The following PDPN variants were observed in gnomAD, a reference collection of about 807,000 sequenced individuals.
PDPN encodes podoplanin.
A neutral mutation model predicts 23.2 loss-of-function variants in PDPN; 12 were observed. The observed-to-expected ratio is 0.52, with a 90% CI of 0.33 to 0.84. The LOEUF (loss-of-function observed/expected upper bound fraction) is 0.84. Among genes scored for constraint, PDPN ranks in the 40% least tolerant of loss-of-function variants. The probability of loss-of-function intolerance (pLI) is 0.02; values close to 1 mark genes in which losing one functional copy is unlikely to be tolerated. For missense variants in PDPN, 199 were observed against 212.2 expected, an observed-to-expected ratio of 0.94 and a Z score of 0.39; for synonymous variants, 77 against 76.7, an observed-to-expected ratio of 1.00 and a Z score of -0.02.
At chr1:13,584,850 C>G (rs556726085) in intron 1 of PDPN, among the ~76,000 whole-genome samples, 3 of 152,308 alleles carry the variant, frequency 2.0e-5, no homozygotes, top group Admixed American at 2.0e-4. Flanking sequence ...TTTTGTATCC[C>G]ATGTTGGGGT....
At chr1:13,601,980 TTTGGGTGGCTCATG>T (rs1640652488) in intron 1 of PDPN, among the ~76,000 whole-genome samples, 2 of 45,248 alleles carry the variant, frequency 4.4e-5, no homozygotes, top group African/African-American at 1.5e-4. Flanking sequence ...GGCTCATGCC[TTTGGGTGGCTCATG>T]CCTTTGGGTG....
In PDPN at chr1:13,610,375, C is replaced by T; in HGVS notation, c.202-12C>T. On this transcript the variant is annotated splice_polypyrimidine_tract_variant and intron_variant, in intron 2 of 5. Transcript: ENST00000621990. ...TTTATTTCCTGTTTTTCCTCATTTA[C>T]ACCTACAATAGGTGGCAACAAGTGT... 4.3e-6 allele frequency: 7 copies of T among 1,610,116 alleles called. No homozygotes were observed. The highest frequency in any genetic ancestry group is 1.7e-4 in the Middle Eastern group (1 of 6,046).
At chr1:13,592,318 T>G (rs1392986072) in intron 1 of PDPN, among the ~76,000 whole-genome samples, 3 of 152,196 alleles carry the variant, frequency 2.0e-5, no homozygotes, top group Non-Finnish European at 4.4e-5. Context: ...AAAATTTTGG[T>G]AAAGTTAAAT....
intron 1 of PDPN, among the ~76,000 whole-genome samples, chr1:13,590,713 G>A (rs1389748414): frequency 6.6e-6 from 1 of 152,134 alleles, no homozygotes; most frequent in Non-Finnish European, 1.5e-5. Flanking sequence ...GGAGACAGAT[G>A]AGTCCGTGCT....
chr1:13,587,893 A>G (rs532452261), intron 1 of PDPN, among the ~76,000 whole-genome samples: 1 of 152,304 alleles, frequency 6.6e-6, no homozygotes, highest in Non-Finnish European at 1.5e-5. Context: ...AGCCAGTCAG[A>G]TGATGGCAAG....
At chr1:13,615,364 C>T (rs1047489135) in intron 5 of PDPN, among the ~76,000 whole-genome samples, 2 of 151,442 alleles carry the variant, frequency 1.3e-5, no homozygotes, top group African/African-American at 4.9e-5. Flanking sequence ...CGGCTCACTG[C>T]AACCTCTGAC....
At chr1:13,584,309 C>T in intron 1 of PDPN, 1 of 1,505,286 alleles carries the variant, frequency 6.6e-7, no homozygotes, top group Non-Finnish European at 8.8e-7. Context: ...CGCGGGTGTG[C>T]CGGGAGGAGC....
chr1:13,601,842 A>G (rs1640648309), intron 1 of PDPN, among the ~76,000 whole-genome samples: 1 of 152,268 alleles, frequency 6.6e-6, no homozygotes, highest in South Asian at 2.1e-4. Flanking sequence ...TAAGGAAAAC[A>G]TAGGTGAATA....
intron 1 of PDPN, among the ~76,000 whole-genome samples, chr1:13,606,767 A>T (rs1235038293): frequency 6.6e-6 from 1 of 152,208 alleles, no homozygotes; most frequent in Non-Finnish European, 1.5e-5. Context: ...GTGTTTAGAA[A>T]TCTTTCCTGT....
chr1:13,592,829 C>A (rs554620755), intron 1 of PDPN, among the ~76,000 whole-genome samples: 3 of 152,264 alleles, frequency 2.0e-5, no homozygotes, highest in South Asian at 4.1e-4. Context: ...GGATTACAGG[C>A]GTGAGCCACC....
intron 3 of PDPN, among the ~76,000 whole-genome samples, chr1:13,611,902 T>C (rs1174490657): frequency 6.6e-6 from 1 of 152,200 alleles, no homozygotes; most frequent in African/African-American, 2.4e-5. Flanking sequence ...TAAATGATCA[T>C]TGGAAAACAT....
chr1:13,594,566 A>C (rs1258919527), intron 1 of PDPN, among the ~76,000 whole-genome samples: 1 of 152,194 alleles, frequency 6.6e-6, no homozygotes, highest in Non-Finnish European at 1.5e-5. Flanking sequence ...TGAGAGTCTG[A>C]ATAGATGGCA....
intron 1 of PDPN, among the ~76,000 whole-genome samples, chr1:13,602,044 TGCCTTTGGGTGGCTC>T (rs1640656823): frequency 7.8e-5 from 2 of 25,660 alleles, no homozygotes; most frequent in Non-Finnish European, 1.3e-4. Context: ...GGGTGGCTCA[TGCCTTTGGGTGGCTC>T]AGCACTTTGG....
chr1:13,602,765 C>T (rs1283285326), intron 1 of PDPN, among the ~76,000 whole-genome samples: 2 of 152,026 alleles, frequency 1.3e-5, no homozygotes, highest in East Asian at 3.9e-4. Flanking sequence ...GACGGGGTCT[C>T]ACCATGTTGG....
intron 1 of PDPN, among the ~76,000 whole-genome samples, chr1:13,604,509 G>A (rs576144382): frequency 6.6e-6 from 1 of 152,266 alleles, no homozygotes; most frequent in East Asian, 1.9e-4. Context: ...TGTGGGCCAA[G>A]GGTAGAAAAG....
intron 1 of PDPN, among the ~76,000 whole-genome samples, chr1:13,588,448 C>T (rs1399721711): frequency 4.0e-5 from 6 of 151,546 alleles, no homozygotes; most frequent in Non-Finnish European, 8.8e-5. Flanking sequence ...TGTGATACAG[C>T]GAATATTGTC....
In PDPN at chr1:13,594,830, C is replaced by CAAA. The variant is rs71570150; in HGVS notation, c.67+10743_67+10745dup. ...TGAAATCCCGTCTCTACTAAAAATA[C>CAAA]AAAAAAAAAAAAAAATTAGCCGGGT... On this transcript the variant is annotated intron_variant, in intron 1 of 5. Transcript: ENST00000621990. 4.6e-5 allele frequency among the ~76,000 whole-genome samples: 6 copies of CAAA among 130,632 alleles called. 1 individual carries two copies. The highest frequency in any genetic ancestry group is 1.7e-4 in the African/African-American group (6 of 35,524). 85.7% of individuals were successfully genotyped at this position (130,632 alleles called of 152,430 possible).
intron 1 of PDPN, among the ~76,000 whole-genome samples, chr1:13,602,603 C>T (rs1288868263): frequency 1.3e-5 from 2 of 152,026 alleles, no homozygotes; most frequent in African/African-American, 4.8e-5. Context: ...TTTTTTGTCT[C>T]CCAGGCTGGA....
intron 1 of PDPN, among the ~76,000 whole-genome samples, chr1:13,594,375 T>C (rs1007952802): frequency 8.5e-5 from 13 of 152,140 alleles, no homozygotes; most frequent in Non-Finnish European, 1.9e-4. Flanking sequence ...GGGCACTGAT[T>C]GAGCTAAAAG....
Sources: gnomAD v4.1 joint callset for allele counts (sites outside exome capture counted in the v4.1 genomes callset) on GRCh38, gnomAD v4.1.1 for gene constraint, MANE v1.5 for transcripts, NCBI Gene and HGNC (gene_info 2026-07-23, HGNC 2026-07-21) for gene names.